Variants in CDYL observed in about 807,000 individuals in gnomAD.
CDYL encodes chromodomain Y-like protein.
CDYL carries 8 observed loss-of-function variants against 47.3 expected under a neutral mutation model. That is an observed-to-expected ratio of 0.17 (90% CI 0.10 to 0.31). The LOEUF (loss-of-function observed/expected upper bound fraction) is 0.31, where lower values mean the gene tolerates loss of function less well. Among genes scored for constraint, CDYL ranks in the 10% least tolerant of loss-of-function variants. CDYL has a pLI of 1.00. For synonymous variants in CDYL, 266 were observed against 265.0 expected, an observed-to-expected ratio of 1.00 and a Z score of -0.04; for missense variants, 471 against 701.4, an observed-to-expected ratio of 0.67 and a Z score of 3.71.
chr6:4,882,220 T>C (rs1761782966), intron 1 of CDYL, among the ~76,000 whole-genome samples: 1 of 152,198 alleles, frequency 6.6e-6, no homozygotes, highest in African/African-American at 2.4e-5. Flanking sequence ...ACTTGTTAGC[T>C]TCTGTCCTCC....
intron 1 of CDYL, among the ~76,000 whole-genome samples, chr6:4,862,642 A>G (rs760378588): frequency 6.6e-6 from 1 of 152,350 alleles, no homozygotes; most frequent in African/African-American, 2.4e-5. Flanking sequence ...TGCTAGGTCT[A>G]CAACATTTTC....
chr6:4,744,793 C>A (rs951803900), intron 3 of CDYL, among the ~76,000 whole-genome samples: 2 of 152,108 alleles, frequency 1.3e-5, no homozygotes, highest in East Asian at 3.8e-4. Context: ...TCTCAGAGAG[C>A]AACGCTAATC....
chr6:4,801,847 C>CT (rs1561644276), intron 1 of CDYL, among the ~76,000 whole-genome samples: 1 of 152,120 alleles, frequency 6.6e-6, no homozygotes. Flanking sequence ...CCATGTTACT[C>CT]TTTTTTAAAA....
intron 2 of CDYL, among the ~76,000 whole-genome samples, chr6:4,732,305 A>G (rs7742540): frequency 0.14 from 21,405 of 151,884 alleles, 1,959 homozygotes; most frequent in African/African-American, 0.28. Flanking sequence ...ACCGCACCCC[A>G]GCCTGGGCAA....
At chr6:4,860,503 A>G (rs969053892) in intron 1 of CDYL, among the ~76,000 whole-genome samples, 21 of 147,852 alleles carry the variant, frequency 1.4e-4, no homozygotes, top group African/African-American at 4.9e-4. Flanking sequence ...GGAAATATAT[A>G]TATATAAAAA....
At chr6:4,706,299 G>C (rs1384796217) in intron 1 of CDYL, 4 of 152,214 alleles carry the variant, frequency 2.6e-5, no homozygotes, top group Non-Finnish European at 4.4e-5. Context: ...GTCAATCTGG[G>C]ACCCTCATCC....
At chr6:4,935,813 C>T (rs749638407) in intron 3 of CDYL, 42 bp downstream of exon 3, 1 of 1,606,640 alleles carries the variant, frequency 6.2e-7, no homozygotes, top group South Asian at 1.1e-5. Context: ...CGCGCTTCTC[C>T]CTGCCTGATT....
intron 1 of CDYL, among the ~76,000 whole-genome samples, chr6:4,706,982 A>G (rs1319145823): frequency 6.6e-6 from 1 of 152,176 alleles, no homozygotes; most frequent in Non-Finnish European, 1.5e-5. Flanking sequence ...ACTTGGTTAC[A>G]GTGTTCAGGA....
intron 2 of CDYL, among the ~76,000 whole-genome samples, chr6:4,894,876 T>TGTGTGTGTATATGTGTATATACACAC (rs1561692290): frequency 3.4e-3 from 11 of 3,256 alleles, no homozygotes; most frequent in South Asian, 0.083. Flanking sequence ...TATACACACA[T>TGTGTGTGTATATGTGTATATACACAC]GTGTATGTGT....
Position 4,776,776 on chromosome 6 carries a change from C to G in CDYL, c.-8C>G. 1 of 1,218,244 alleles carries G rather than the reference C, an allele frequency of 8.2e-7. No individual in the cohort carries two copies. Among genetic ancestry groups the G allele is most frequent in the East Asian group, 5.7e-5 (1 of 17,444 alleles). 75.5% of individuals were successfully genotyped at this position (1,218,244 alleles called of 1,614,324 possible). A position where few individuals can be genotyped will look rare whatever the true frequency, so the allele number is the denominator to read the frequency against. ...CTGCCCCTCCCGCCCGCAACTCCGC[C>G]GCCCACCATGGCTTCCGAGGAGCTG... On this transcript the variant is annotated 5_prime_UTR_variant, in exon 1 of 7. Transcript: ENST00000397588.
chr6:4,881,086 CTGTG>C (rs372473489), intron 1 of CDYL, among the ~76,000 whole-genome samples: 5 of 151,862 alleles, frequency 3.3e-5, no homozygotes, highest in African/African-American at 1.2e-4. Context: ...TACTTGGGTT[CTGTG>C]TGTGTGTGTT....
At chr6:4,714,456 G>A (rs1757216814) in intron 1 of CDYL, 1 of 152,276 alleles carries the variant, frequency 6.6e-6, no homozygotes, top group South Asian at 2.1e-4. Context: ...GAGAACCCAT[G>A]AACAATGCTC....
At chr6:4,729,150 G>A (rs1757561391) in intron 2 of CDYL, among the ~76,000 whole-genome samples, 1 of 152,128 alleles carries the variant, frequency 6.6e-6, no homozygotes, top group African/African-American at 2.4e-5. Flanking sequence ...GTCAACAACA[G>A]AGTGGGATAA....
chr6:4,920,471 G>C (rs1757679400), intron 2 of CDYL, among the ~76,000 whole-genome samples: 1 of 152,192 alleles, frequency 6.6e-6, no homozygotes, highest in Admixed American at 6.5e-5. Flanking sequence ...AGTGAGACGG[G>C]ACTCTGCTGC....
intron 5 of CDYL, among the ~76,000 whole-genome samples, chr6:4,950,738 C>A (rs1339450297): frequency 6.6e-6 from 1 of 151,978 alleles, no homozygotes; most frequent in Non-Finnish European, 1.5e-5. Flanking sequence ...ACCATCCTGG[C>A]TAACACAGTG....
chr6:4,852,219 C>T (rs865802962), intron 1 of CDYL, among the ~76,000 whole-genome samples: 5 of 152,154 alleles, frequency 3.3e-5, no homozygotes, highest in Admixed American at 1.3e-4. Flanking sequence ...CTAGTCCTGT[C>T]GTTCCTTCTG....
chr6:4,761,155 G>C (rs2127422926), intron 3 of CDYL, among the ~76,000 whole-genome samples: 1 of 152,218 alleles, frequency 6.6e-6, no homozygotes, highest in East Asian at 1.9e-4. Context: ...TACAACCTGA[G>C]AGCCAGTTGA....
intron 1 of CDYL, among the ~76,000 whole-genome samples, chr6:4,810,035 T>C (rs1429593636): frequency 6.6e-6 from 1 of 152,116 alleles, no homozygotes; most frequent in Non-Finnish European, 1.5e-5. Flanking sequence ...ATATTTTGTA[T>C]GGTAGGGGTA....
chr6:4,773,187 C>A (rs765366181), upstream of CDYL: 1 of 457,360 alleles, frequency 2.2e-6, no homozygotes, highest in South Asian at 1.5e-5. This position sits in a 1 kb window ranked among gnomAD's most constrained non-coding sequence, Gnocchi z 4.6. Context: ...AGGTAAGAAT[C>A]GTTTATTGCT....
Sources: allele counts gnomAD v4.1 joint callset (sites outside exome capture counted in the v4.1 genomes callset), GRCh38; gene constraint gnomAD v4.1.1; non-coding constraint Gnocchi (gnomAD v3.1); transcripts MANE v1.5; gene names NCBI Gene and HGNC (gene_info 2026-07-23, HGNC 2026-07-21).